Variants in NXPH1 observed in about 807,000 individuals in gnomAD.
The protein encoded by NXPH1 is neurexophilin-1.
Under a neutral mutation model 23.7 loss-of-function variants are expected in NXPH1, and 5 were observed. That is an observed-to-expected ratio of 0.21 (90% CI 0.11 to 0.44). The LOEUF is 0.44. NXPH1 is among the 20% of genes least tolerant of loss of function. The pLI is 0.99. For missense variants in NXPH1, 324 were observed against 321.6 expected (o/e 1.01, Z -0.06); for synonymous variants, 144 against 122.2 (o/e 1.18, Z -1.18).
At chr7:8,698,286 C>A (rs186647579) in intron 2 of NXPH1, among the ~76,000 whole-genome samples, 112 of 152,094 alleles carry the variant, frequency 7.4e-4, no homozygotes, top group African/African-American at 2.4e-3. Context: ...AAATACAAAC[C>A]ATTTTTGCAT....
chr7:8,567,269 T>C (rs1167424410), intron 2 of NXPH1, among the ~76,000 whole-genome samples: 2 of 151,974 alleles, frequency 1.3e-5, no homozygotes, highest in East Asian at 3.9e-4. Flanking sequence ...AAATAACAGG[T>C]CCTTTCAAAG....
intron 2 of NXPH1, among the ~76,000 whole-genome samples, chr7:8,665,214 G>A (rs867265672): frequency 1.3e-5 from 2 of 151,898 alleles, no homozygotes; most frequent in Admixed American, 6.6e-5. Context: ...GTAAGATAAG[G>A]ATCTAATTTC....
intron 2 of NXPH1, among the ~76,000 whole-genome samples, chr7:8,491,257 G>A (rs1163996917): frequency 1.3e-5 from 2 of 152,030 alleles, no homozygotes; most frequent in Non-Finnish European, 2.9e-5. Context: ...CTGTGAAACA[G>A]TGCGGATTTT....
intron 2 of NXPH1, among the ~76,000 whole-genome samples, chr7:8,674,162 GACACACAC>G (rs35790323): frequency 0.047 from 4,038 of 86,150 alleles, 180 homozygotes; most frequent in African/African-American, 0.1. Context: ...CAAACATATA[GACACACAC>G]ACACACACAC....
chr7:8,459,986 C>G (rs2128606649), intron 2 of NXPH1, among the ~76,000 whole-genome samples: 1 of 152,264 alleles, frequency 6.6e-6, no homozygotes, highest in East Asian at 1.9e-4. Flanking sequence ...GAATAAGTGA[C>G]TTTCTGTAGG....
At position 8,506,202 on chromosome 7, in the gene NXPH1, A is replaced by T. The variant is rs142425162; in HGVS notation, c.54+70435A>T. The stretch of plus-strand genomic sequence containing the variant: ...TCTAATACATTTGTTGAGTTGTGCA[A>T]CTGTTGTTGCAATGATTTTTACCTC... On this transcript the variant is annotated intron_variant, in intron 2 of 2. Transcript: ENST00000405863. 1.9e-3 allele frequency among the ~76,000 whole-genome samples: 294 copies of T among 152,206 alleles called. 2 individuals carry two copies. Among genetic ancestry groups the T allele is most frequent in the Non-Finnish European group, 1.6e-3 (106 of 67,976 alleles).
At chr7:8,620,183 A>G (rs1257615592) in intron 2 of NXPH1, among the ~76,000 whole-genome samples, 4 of 152,232 alleles carry the variant, frequency 2.6e-5, no homozygotes, top group African/African-American at 9.6e-5. Flanking sequence ...CACAGTTCTA[A>G]CATATAATGG....
chr7:8,443,975 C>T (rs1816353575), intron 2 of NXPH1, among the ~76,000 whole-genome samples: 1 of 152,212 alleles, frequency 6.6e-6, no homozygotes. Flanking sequence ...GTCTGCACGC[C>T]CTAGAGCAGA....
At chr7:8,517,329 G>T (rs1354717079) in intron 2 of NXPH1, among the ~76,000 whole-genome samples, 1 of 152,164 alleles carries the variant, frequency 6.6e-6, no homozygotes, top group Admixed American at 6.5e-5. Flanking sequence ...ACTGATCAGA[G>T]TGAGGAGAAG....
intron 2 of NXPH1, among the ~76,000 whole-genome samples, chr7:8,699,396 C>T (rs984301778): frequency 5.3e-5 from 8 of 151,898 alleles, no homozygotes; most frequent in Non-Finnish European, 1.2e-4. Context: ...TGCAAATTCA[C>T]ATAGTGAAAT....
chr7:8,435,710 G>A lies in NXPH1; in HGVS notation c.-4G>A. ...ACCGCCAAGGAAGTTTGAGACGCGGGAGAATGCAGGCTGCGTGCTGGTACG... is the reference window on the plus strand; with the variant it reads ...ACCGCCAAGGAAGTTTGAGACGCGGAAGAATGCAGGCTGCGTGCTGGTACG... On this transcript the variant is annotated 5_prime_UTR_variant, in exon 2 of 3. Coordinates refer to ENST00000405863, the MANE Select transcript of NXPH1 (RefSeq NM_152745.3). This position sits in a 1 kb window ranked among gnomAD's most constrained non-coding sequence, Gnocchi z 5.9. The A allele has an allele frequency of 6.2e-7, 1 of 1,613,962 alleles. No individual in the cohort carries two copies.
intron 2 of NXPH1, among the ~76,000 whole-genome samples, chr7:8,477,224 A>C (rs1816989784): frequency 6.6e-6 from 1 of 152,152 alleles, no homozygotes; most frequent in Non-Finnish European, 1.5e-5. Context: ...CACAGTTTCT[A>C]TAAGCAATTA....
At chr7:8,484,333 A>G (rs1817123606) in intron 2 of NXPH1, among the ~76,000 whole-genome samples, 1 of 151,932 alleles carries the variant, frequency 6.6e-6, no homozygotes, top group African/African-American at 2.4e-5. Flanking sequence ...TTGTGCTGGA[A>G]ATACTTGGTC....
intron 2 of NXPH1, among the ~76,000 whole-genome samples, chr7:8,570,467 A>G (rs1818622844): frequency 6.6e-6 from 1 of 152,070 alleles, no homozygotes; most frequent in South Asian, 2.1e-4. Flanking sequence ...TACACAGCAC[A>G]GTAATTAGTA....
chr7:8,506,350 G>A (rs1181828374), intron 2 of NXPH1, among the ~76,000 whole-genome samples: 2 of 152,054 alleles, frequency 1.3e-5, no homozygotes, highest in Non-Finnish European at 1.5e-5. Context: ...AGGGACATGG[G>A]TCTTTCCATG....
chr7:8,571,494 T>C (rs535733258), intron 2 of NXPH1, among the ~76,000 whole-genome samples: 2 of 151,862 alleles, frequency 1.3e-5, no homozygotes, highest in East Asian at 1.9e-4. Context: ...ACATGGAAGA[T>C]CCATAAGAAA....
chr7:8,536,260 A>G (rs773329346), intron 2 of NXPH1, among the ~76,000 whole-genome samples: 2 of 152,062 alleles, frequency 1.3e-5, no homozygotes, highest in African/African-American at 2.4e-5. Flanking sequence ...CAACGCATAT[A>G]ATAATAGAAT....
intron 2 of NXPH1, among the ~76,000 whole-genome samples, chr7:8,671,551 T>C (rs907397347): frequency 9.9e-5 from 15 of 152,204 alleles, no homozygotes; most frequent in Non-Finnish European, 1.9e-4. Context: ...AGAATGGCTA[T>C]TTATATTTCT....
chr7:8,665,210 T>C (rs1447156221), intron 2 of NXPH1, among the ~76,000 whole-genome samples: 1 of 152,050 alleles, frequency 6.6e-6, no homozygotes, highest in African/African-American at 2.4e-5. Context: ...TGGTGTAAGA[T>C]AAGGATCTAA....
Sources: allele counts gnomAD v4.1 joint callset (sites outside exome capture counted in the v4.1 genomes callset), GRCh38; gene constraint gnomAD v4.1.1; non-coding constraint Gnocchi (gnomAD v3.1); transcripts MANE v1.5; gene names NCBI Gene and HGNC (gene_info 2026-07-23, HGNC 2026-07-21).